Variants in SLC25A38 observed in about 807,000 individuals in gnomAD.
SLC25A38 encodes the protein solute carrier family 25 member 38, also known as mitochondrial glycine transporter.
SLC25A38 carries 27 observed loss-of-function variants against 33.4 expected under a neutral mutation model. That is an observed-to-expected ratio of 0.81 (90% CI 0.60 to 1.11). The LOEUF (loss-of-function observed/expected upper bound fraction) is 1.11. Ranked by LOEUF, SLC25A38 falls within the 50% of genes most tolerant of loss-of-function variation. SLC25A38 has a pLI of 0.00. For synonymous variants in SLC25A38, 123 were observed against 145.9 expected, an observed-to-expected ratio of 0.84 and a Z score of 1.13; for missense variants, 344 against 388.8, an observed-to-expected ratio of 0.88 and a Z score of 0.97.
chr3:39,396,683 G>A lies in SLC25A38; in HGVS notation c.*163G>A. ...TAATCCCCTTAAGGAGAAAATATATGGACCTGATTTCAGCCTTCAGAATCT... is the reference window on the plus strand; with the variant it reads ...TAATCCCCTTAAGGAGAAAATATATAGACCTGATTTCAGCCTTCAGAATCT... On this transcript the variant is annotated 3_prime_UTR_variant, in exon 7 of 7. Coordinates refer to ENST00000650617, the MANE Select transcript of SLC25A38 (RefSeq NM_017875.4). 1 of 1,102,978 alleles carries A rather than the reference G, an allele frequency of 9.1e-7. No individual in the cohort carries two copies. 68.3% of individuals were successfully genotyped at this position (1,102,978 alleles called of 1,614,324 possible). A position where few individuals can be genotyped will look rare whatever the true frequency, so the allele number is the denominator to read the frequency against.
rs116056544 is a variant in SLC25A38, at chr3:39,383,909, A to G, written c.69+116A>G. On this transcript the variant is annotated intron_variant, in intron 1 of 6. Transcript: ENST00000650617. ...TTCCGCGCCCCAGGGTGCGCTCAGG[A>G]TTTAGGATGCGGCGGGAGAGGAGTC... 3,318 of 1,166,102 alleles carry G rather than the reference A, an allele frequency of 2.8e-3. 76 individuals are homozygous for G. In the African/African-American group the frequency reaches 0.045, roughly 16 times the overall value. 72.2% of individuals were successfully genotyped at this position (1,166,102 alleles called of 1,614,324 possible).
chr3:39,393,404 G>GC (rs549134282), intron 5 of SLC25A38, among the ~76,000 whole-genome samples: 57 of 152,142 alleles, frequency 3.7e-4, no homozygotes, highest in Non-Finnish European at 6.0e-4. Flanking sequence ...GAAACATGAT[G>GC]CCCTTTTAAC....
At position 39,390,756 on chromosome 3, in the gene SLC25A38, C is replaced by T. The variant is rs2276715; in HGVS notation, c.276+249C>T. 0.39 allele frequency among the ~76,000 whole-genome samples: 59,903 copies of T among 152,034 alleles called. 14,283 individuals are homozygous for T. The highest frequency in any genetic ancestry group is 0.6 in the East Asian group (3,073 of 5,164). ...TACAGCATAGGTACCTAATGTCCCA[C>T]CTGTCAGAATGCCCTTGCTCTTATC... is the stretch of plus-strand genomic sequence containing the variant. On this transcript the variant is annotated intron_variant, in intron 3 of 6. Coordinates refer to ENST00000650617, the MANE Select transcript of SLC25A38 (RefSeq NM_017875.4).
chr3:39,396,661 T>TC lies in SLC25A38; in HGVS notation c.*145dup, dbSNP rs1416308786. 1 of 1,358,416 alleles carries TC rather than the reference T, an allele frequency of 7.4e-7. No individual in the cohort carries two copies. The highest frequency in any genetic ancestry group is 1.0e-6 in the Non-Finnish European group (1 of 966,262). The allele number at this position is 1,358,416 out of a possible 1,614,324, so 84.1% of individuals were successfully genotyped here. On this transcript the variant is annotated 3_prime_UTR_variant, in exon 7 of 7. Coordinates refer to ENST00000650617, the MANE Select transcript of SLC25A38 (RefSeq NM_017875.4). ...ATTGTGTTGCCTTTGCCTTCAGTAA[T>TC]CCCCTTAAGGAGAAAATATATGGAC...
intron 1 of SLC25A38, among the ~76,000 whole-genome samples, chr3:39,386,009 G>A (rs1230650161): frequency 6.6e-6 from 1 of 152,170 alleles, no homozygotes; most frequent in Non-Finnish European, 1.5e-5. Flanking sequence ...TACATGAAAG[G>A]CCCTGCAACC....
chr3:39,384,437 T>G, intron 1 of SLC25A38: 1 of 374,286 alleles, frequency 2.7e-6, no homozygotes, highest in Non-Finnish European at 4.7e-6. Flanking sequence ...CTTTAGACGC[T>G]AAAGGCCTGA....
chr3:39,395,496 A>G (rs2125583719), intron 6 of SLC25A38, among the ~76,000 whole-genome samples: 1 of 152,286 alleles, frequency 6.6e-6, no homozygotes, highest in South Asian at 2.1e-4. Flanking sequence ...TGTTATCACA[A>G]AGCAGATATT....
In SLC25A38 at chr3:39,396,281, A is replaced by G; in HGVS notation, c.793-117A>G. ...CCCATTATTCTTACTTTGGGCATAA[A>G]GTTTAGAAACTAAGTCTTAAACATG... On this transcript the variant is annotated intron_variant, in intron 6 of 6. Coordinates refer to ENST00000650617, the MANE Select transcript of SLC25A38 (RefSeq NM_017875.4). The G allele has an allele frequency of 2.6e-6, 4 of 1,516,038 alleles. 1 individual carries two copies. In the South Asian group the frequency reaches 3.4e-5, roughly 13 times the overall value. The allele number at this position is 1,516,038 out of a possible 1,614,324, so 93.9% of individuals were successfully genotyped here.
At chr3:39,395,986 A>G (rs2041824618) in intron 6 of SLC25A38, among the ~76,000 whole-genome samples, 1 of 151,992 alleles carries the variant, frequency 6.6e-6, no homozygotes, top group African/African-American at 2.4e-5. Flanking sequence ...TGAGGTGGGC[A>G]GATCACAAGG....
chr3:39,393,050 C>T (rs1431803027), intron 5 of SLC25A38, among the ~76,000 whole-genome samples: 1 of 152,160 alleles, frequency 6.6e-6, no homozygotes, highest in Non-Finnish European at 1.5e-5. Flanking sequence ...TTTGGGAGGC[C>T]GAGGTGGGCA....
Position 39,391,923 on chromosome 3 carries a change from G to C in SLC25A38, c.527G>C (p.Gly176Ala). The change falls in exon 5 of 7, where the codon GGC (glycine) becomes GCC (alanine). Residue 176 changes from glycine (G) to alanine (A), a missense_variant. Physicochemically the swap from Gly to Ala is moderately conservative, Grantham distance 60. This residue lies in a region of SLC25A38 where 269 missense variants were observed against 271.8 expected (regional missense o/e 0.99). Coordinates refer to ENST00000650617, the MANE Select transcript of SLC25A38 (RefSeq NM_017875.4). ...ATCTATCACAGTGAGGGGCACCGGG[G>C]CCTCTTCAGTGGCCTGACAGCAACT... ...RSIYHSEGHR[G>A]LFSGLTATLL... 6.2e-7 allele frequency: 1 copy of C among 1,614,138 alleles called. No individual in the cohort carries two copies. Among genetic ancestry groups the C allele is most frequent in the Non-Finnish European group, 8.5e-7 (1 of 1,180,026 alleles).
intron 5 of SLC25A38, 65 bp from the exon 6 acceptor site, chr3:39,394,345 T>G: frequency 1.2e-6 from 2 of 1,603,528 alleles, no homozygotes; most frequent in Non-Finnish European, 1.7e-6. Context: ...GGTGGGCAAC[T>G]TGCACTGACC....
rs368651459 is a variant in SLC25A38, at chr3:39,394,594, G to C, written c.792+18G>C. ...TTTTCAAAGTAAGACTACAAAATAA[G>C]TACTGGTTCTTGTGGTGTTTAAGGA... On this transcript the variant is annotated intron_variant, in intron 6 of 6. Coordinates refer to ENST00000650617, the MANE Select transcript of SLC25A38 (RefSeq NM_017875.4). 6 of 1,613,934 alleles carry C rather than the reference G, an allele frequency of 3.7e-6. No individual in the cohort carries two copies. Among genetic ancestry groups the C allele is most frequent in the Non-Finnish European group, 5.1e-6 (6 of 1,179,936 alleles).
chr3:39,384,776 A>G (rs1323277263), intron 1 of SLC25A38: 4 of 393,844 alleles, frequency 1.0e-5, no homozygotes, highest in African/African-American at 8.4e-5. Context: ...TACCTTGAAT[A>G]TATTTTTGAG....
chr3:39,387,256 G>C (rs1221277391), intron 1 of SLC25A38, among the ~76,000 whole-genome samples: 2 of 152,166 alleles, frequency 1.3e-5, no homozygotes, highest in Non-Finnish European at 2.9e-5. Context: ...TGTAACCTCT[G>C]TGAGCTCCAG....
chr3:39,394,498 G>A lies in SLC25A38; in HGVS notation c.714G>A (p.Ala238=), dbSNP rs778318538. Residue 238 remains alanine (A), a synonymous_variant, in exon 6 of 7, where the codon GCG becomes GCA. Coordinates refer to ENST00000650617, the MANE Select transcript of SLC25A38 (RefSeq NM_017875.4). ...GILASLVTQP[A]DVIKTHMQLY... Reference sequence around the variant, plus strand: ...TGGCCTCACTGGTAACTCAACCTGCGGATGTTATCAAAACTCATATGCAGC... The same window carrying A: ...TGGCCTCACTGGTAACTCAACCTGCAGATGTTATCAAAACTCATATGCAGC... 14 of 1,613,986 alleles carry A rather than the reference G, an allele frequency of 8.7e-6. No homozygotes were observed. Among genetic ancestry groups the A allele is most frequent in the African/African-American group, 6.7e-5 (5 of 74,900 alleles).
chr3:39,394,687 C>G, intron 6 of SLC25A38, 111 bp downstream of exon 6: 1 of 1,305,594 alleles, frequency 7.7e-7, no homozygotes, highest in Non-Finnish European at 1.1e-6. Flanking sequence ...TTTTAAAAAT[C>G]CCCATGCCCA....
In SLC25A38 at chr3:39,391,599, T is replaced by C. The variant is rs371586155; in HGVS notation, c.435T>C (p.Thr145=). The change falls in exon 4 of 7, where the codon ACT becomes ACC. Residue 145 remains threonine (T), a synonymous_variant. Coordinates refer to ENST00000650617, the MANE Select transcript of SLC25A38 (RefSeq NM_017875.4). ...CAGGGGTCTGTATGTCACCTATCAC[T>C]GTAATCAAGACGCGCTATGAGGTGA... The part of the protein sequence containing the change: ...SVAGVCMSPI[T]VIKTRYESGK... The C allele has an allele frequency of 5.6e-6, 9 of 1,614,102 alleles. No individual in the cohort carries two copies. The highest frequency in any genetic ancestry group is 1.7e-5 in the Admixed American group (1 of 60,006).
chr3:39,385,071 G>A (rs1261261650), intron 1 of SLC25A38, among the ~76,000 whole-genome samples: 4 of 152,096 alleles, frequency 2.6e-5, no homozygotes, highest in Admixed American at 2.6e-4. Flanking sequence ...TAAAGTGCTA[G>A]GATTACAAGT....
Sources: gnomAD v4.1 joint callset for allele counts (sites outside exome capture counted in the v4.1 genomes callset) on GRCh38, gnomAD v4.1.1 for gene constraint, gnomAD v4.1.1 regional missense constraint, MANE v1.5 for transcripts, NCBI Gene and HGNC (gene_info 2026-07-23, HGNC 2026-07-21) for gene names.